Variants in ZNF652 observed in about 807,000 individuals in gnomAD.
ZNF652 encodes the protein zinc finger protein 652.
ZNF652 carries 16 observed loss-of-function variants against 45.2 expected under a neutral mutation model. The observed-to-expected ratio is 0.35, with a 90% CI of 0.24 to 0.54. The LOEUF is 0.54. ZNF652 is among the 20% of genes least tolerant of loss of function. The probability of loss-of-function intolerance (pLI) is 0.91; values close to 1 mark genes in which losing one functional copy is unlikely to be tolerated. For synonymous variants in ZNF652, 250 were observed against 260.6 expected (o/e 0.96, Z 0.39); for missense variants, 614 against 765.6 (o/e 0.80, Z 2.34).
chr17:49,315,387 G>A (rs985809736), intron 2 of ZNF652, among the ~76,000 whole-genome samples: 3 of 152,018 alleles, frequency 2.0e-5, no homozygotes, highest in Admixed American at 2.0e-4. Flanking sequence ...ATTATTAGGA[G>A]CTATACATAA....
chr17:49,323,932 A>AT (rs1463004908), intron 1 of ZNF652, among the ~76,000 whole-genome samples: 1 of 152,098 alleles, frequency 6.6e-6, no homozygotes, highest in Non-Finnish European at 1.5e-5. Flanking sequence ...GGGCCTCTGG[A>AT]TTTTTGGAAT....
intron 5 of ZNF652, among the ~76,000 whole-genome samples, chr17:49,305,977 T>C (rs749409024): frequency 6.6e-6 from 1 of 152,366 alleles, no homozygotes; most frequent in South Asian, 2.1e-4. Flanking sequence ...TAGAGACCTA[T>C]CCGCATCCCC....
chr17:49,345,305 C>T (rs1009910694), intron 1 of ZNF652, among the ~76,000 whole-genome samples: 1 of 150,800 alleles, frequency 6.6e-6, no homozygotes, highest in Non-Finnish European at 1.5e-5. Context: ...CGGGTTCAAG[C>T]AATTCCCCTG....
At chr17:49,342,985 G>A (rs1433778294) in intron 1 of ZNF652, among the ~76,000 whole-genome samples, 9 of 151,694 alleles carry the variant, frequency 5.9e-5, no homozygotes, top group South Asian at 2.1e-4. Context: ...AGGTTCAAGC[G>A]ATTCTCCTGC....
Position 49,304,586 on chromosome 17 carries a change from G to A in ZNF652, c.1310-5662C>T, listed in dbSNP as rs986673788. On this transcript the variant is annotated intron_variant, in intron 5 of 5. Coordinates refer to ENST00000430262, the MANE Select transcript of ZNF652 (RefSeq NM_001145365.3). ...AGAGCTGGTAAATGGGTGGCAAGAA[G>A]ATATAGTAACAGTTAAGTTCATTAA... 4.6e-5 allele frequency among the ~76,000 whole-genome samples: 7 copies of A among 152,164 alleles called. No homozygotes were observed. In the East Asian group the frequency reaches 1.2e-3, roughly 25 times the overall value.
chr17:49,308,515 T>G (rs1218196553), intron 5 of ZNF652, among the ~76,000 whole-genome samples: 1 of 152,142 alleles, frequency 6.6e-6, no homozygotes, highest in South Asian at 2.1e-4. Flanking sequence ...GATAAAAATT[T>G]GGGGGACTGG....
chr17:49,331,052 A>C (rs555465582), intron 1 of ZNF652, among the ~76,000 whole-genome samples: 1 of 150,964 alleles, frequency 6.6e-6, no homozygotes, highest in East Asian at 2.0e-4. Context: ...CTGGGCAGTA[A>C]GAGCAAAACT....
At position 49,296,991 on chromosome 17, in the gene ZNF652, T is replaced by C. The variant is rs2069485661; in HGVS notation, c.*1422A>G. ...GGTACTAGAGGTGCTGCTCTCTTTA[T>C]CGCCTAAGAATGCTGGTATTACATA... is the stretch of plus-strand genomic sequence containing the variant. On this transcript the variant is annotated 3_prime_UTR_variant, in exon 6 of 6. Transcript: ENST00000430262. 1 of 152,216 alleles carries C rather than the reference T, an allele frequency of 6.6e-6. No homozygotes were observed. The highest frequency in any genetic ancestry group is 1.5e-5 in the Non-Finnish European group (1 of 68,042). 9.4% of individuals were successfully genotyped at this position (152,216 alleles called of 1,614,324 possible).
At chr17:49,349,467 G>C (rs541106986) in intron 1 of ZNF652, among the ~76,000 whole-genome samples, 1 of 152,284 alleles carries the variant, frequency 6.6e-6, no homozygotes, top group South Asian at 2.1e-4. Context: ...TGCCATAGCA[G>C]GGATTCTTTG....
Position 49,292,984 on chromosome 17 carries a change from T to C in ZNF652, c.*5429A>G, listed in dbSNP as rs989448432. 1.3e-5 allele frequency among the ~76,000 whole-genome samples: 2 copies of C among 152,166 alleles called. No individual in the cohort carries two copies. Among genetic ancestry groups the C allele is most frequent in the Non-Finnish European group, 2.9e-5 (2 of 68,022 alleles). On this transcript the variant is annotated 3_prime_UTR_variant, in exon 6 of 6. Transcript: ENST00000430262. ...TCAGGAAAAGAATGTTCCAGGATGC[T>C]GGCATTTTGAAGGCACTCAAAAACA...
At chr17:49,358,022 C>G (rs1431127176) in intron 1 of ZNF652, among the ~76,000 whole-genome samples, 2 of 152,190 alleles carry the variant, frequency 1.3e-5, no homozygotes, top group African/African-American at 4.8e-5. Flanking sequence ...TAGTTTTACT[C>G]CAACATGCTC....
intron 1 of ZNF652, among the ~76,000 whole-genome samples, chr17:49,334,459 G>A (rs756330879): frequency 3.9e-5 from 6 of 151,940 alleles, no homozygotes; most frequent in Non-Finnish European, 8.8e-5. Flanking sequence ...ACTCCAGTCT[G>A]GGCAACAGAG....
chr17:49,319,922 A>G (rs1244005310), intron 1 of ZNF652, among the ~76,000 whole-genome samples: 1 of 152,116 alleles, frequency 6.6e-6, no homozygotes, highest in African/African-American at 2.4e-5. Context: ...CTTACAATTC[A>G]AATGTATTGG....
chr17:49,347,735 GTTTTGTTT>G (rs1283437710), intron 1 of ZNF652, among the ~76,000 whole-genome samples: 11 of 124,424 alleles, frequency 8.8e-5, no homozygotes, highest in African/African-American at 1.3e-4. Context: ...TTGAACCTTG[GTTTTGTTT>G]TTTTTTTTTT....
At chr17:49,311,001 A>G (rs1292530263) in intron 5 of ZNF652, among the ~76,000 whole-genome samples, 2 of 152,224 alleles carry the variant, frequency 1.3e-5, no homozygotes, top group Admixed American at 1.3e-4. Flanking sequence ...CCTTAGGAAA[A>G]TAACATGCAC....
chr17:49,323,519 T>C (rs113163604), intron 1 of ZNF652, among the ~76,000 whole-genome samples: 135 of 152,354 alleles, frequency 8.9e-4, no homozygotes, highest in African/African-American at 2.9e-3. Flanking sequence ...CTTAATGGCA[T>C]CTAGAGTGGT....
intron 1 of ZNF652, among the ~76,000 whole-genome samples, chr17:49,343,366 G>A (rs1015055780): frequency 1.3e-5 from 2 of 152,142 alleles, no homozygotes; most frequent in Non-Finnish European, 2.9e-5. Flanking sequence ...AAATCCATTA[G>A]TAACCTTACA....
At chr17:49,337,013 C>G (rs1172825892) in intron 1 of ZNF652, among the ~76,000 whole-genome samples, 2 of 138,732 alleles carry the variant, frequency 1.4e-5, no homozygotes, top group African/African-American at 2.7e-5. Context: ...GTAACAATGC[C>G]ACAACTGTTA....
chr17:49,306,493 C>T (rs1321022313), intron 5 of ZNF652, among the ~76,000 whole-genome samples: 1 of 152,102 alleles, frequency 6.6e-6, no homozygotes, highest in Non-Finnish European at 1.5e-5. Flanking sequence ...TGGTGTCTCG[C>T]TATATTGCCT....
Sources: allele counts gnomAD v4.1 joint callset (sites outside exome capture counted in the v4.1 genomes callset), GRCh38; gene constraint gnomAD v4.1.1; transcripts MANE v1.5; gene names NCBI Gene and HGNC (gene_info 2026-07-23, HGNC 2026-07-21).